Variants in DZIP3 observed in about 807,000 individuals in gnomAD.
The protein encoded by DZIP3 is DAZ interacting zinc finger protein 3.
A neutral mutation model predicts 162.0 loss-of-function variants in DZIP3; 118 were observed. That is an observed-to-expected ratio of 0.73 (90% CI 0.63 to 0.85). The LOEUF is 0.85. DZIP3 is among the 40% of genes least tolerant of loss of function. The pLI is 0.00. For synonymous variants in DZIP3, 438 were observed against 458.6 expected, an observed-to-expected ratio of 0.96 and a Z score of 0.57; for missense variants, 1,331 against 1,407.0, an observed-to-expected ratio of 0.95 and a Z score of 0.86.
chr3:108,677,914 C>T (rs977089283), intron 26 of DZIP3, among the ~76,000 whole-genome samples: 1 of 152,028 alleles, frequency 6.6e-6, no homozygotes, highest in Non-Finnish European at 1.5e-5. Context: ...CCAGTGTCCT[C>T]ATGTTACCAC....
intron 8 of DZIP3, among the ~76,000 whole-genome samples, chr3:108,631,093 T>TCTCTCTCC (rs1235604547): frequency 2.1e-5 from 3 of 144,720 alleles, no homozygotes; most frequent in Non-Finnish European, 4.5e-5. Flanking sequence ...TCTCTCTCTC[T>TCTCTCTCC]CCTATCCTAC....
At chr3:108,605,624 G>A (rs1350536683) in intron 2 of DZIP3, among the ~76,000 whole-genome samples, 186 bp downstream of exon 2, 1 of 152,172 alleles carries the variant, frequency 6.6e-6, no homozygotes, top group East Asian at 1.9e-4. Flanking sequence ...TCACAATAGA[G>A]TTTGCACTCC....
chr3:108,626,910 T>TA (rs1941615053), intron 7 of DZIP3, among the ~76,000 whole-genome samples: 1 of 152,236 alleles, frequency 6.6e-6, no homozygotes, highest in South Asian at 2.1e-4. Context: ...GGCAAACTCT[T>TA]ATGAAGGATT....
chr3:108,682,940 G>C lies in DZIP3; in HGVS notation c.2884-1276G>C, dbSNP rs558003130. On this transcript the variant is annotated intron_variant, in intron 26 of 32. Transcript: ENST00000361582. ...GTTAGGTAATAGTGGTTCTCAAACA[G>C]AGCAGGACTGTTGACTCAGTACCCA... Among the ~76,000 whole-genome samples the C allele has an allele frequency of 7.1e-4, 107 of 150,920 alleles. 2 individuals carry two copies. Among genetic ancestry groups the C allele is most frequent in the Non-Finnish European group, 1.2e-3 (82 of 68,002 alleles).
chr3:108,685,637 C>T (rs1944470532), intron 27 of DZIP3, among the ~76,000 whole-genome samples: 1 of 152,138 alleles, frequency 6.6e-6, no homozygotes, highest in South Asian at 2.1e-4. Context: ...ACAACTTCTG[C>T]ACCACTTTTG....
chr3:108,688,543 A>G (rs779808569), intron 29 of DZIP3, 50 bp from the exon 30 acceptor site: 1 of 1,572,752 alleles, frequency 6.4e-7, no homozygotes, highest in East Asian at 2.2e-5. Flanking sequence ...TTCAGCTCTT[A>G]CTGTTTTAGG....
At chr3:108,675,285 C>T (rs1002095879) in intron 24 of DZIP3, among the ~76,000 whole-genome samples, 2 of 152,000 alleles carry the variant, frequency 1.3e-5, no homozygotes, top group East Asian at 1.9e-4. Flanking sequence ...CAACCTCATT[C>T]GTACTCAAAT....
At chr3:108,625,532 C>G (rs1455514739) in intron 6 of DZIP3, among the ~76,000 whole-genome samples, 3 of 152,190 alleles carry the variant, frequency 2.0e-5, no homozygotes, top group Admixed American at 2.0e-4. Flanking sequence ...GGAGCTGACA[C>G]TATCAGTGTG....
chr3:108,692,605 AC>A (rs1429197505), intron 32 of DZIP3, among the ~76,000 whole-genome samples: 1 of 152,148 alleles, frequency 6.6e-6, no homozygotes, highest in Non-Finnish European at 1.5e-5. Context: ...CTTTAGATAA[AC>A]AGTAAAAGTT....
At chr3:108,683,273 G>T (rs555917566) in intron 26 of DZIP3, among the ~76,000 whole-genome samples, 1 of 150,342 alleles carries the variant, frequency 6.7e-6, no homozygotes, top group Non-Finnish European at 1.5e-5. Flanking sequence ...TAGAATTTTT[G>T]TTTCCCAGTT....
At chr3:108,636,892 T>C (rs923312208) in intron 11 of DZIP3, among the ~76,000 whole-genome samples, 184 bp downstream of exon 11, 1 of 151,832 alleles carries the variant, frequency 6.6e-6, no homozygotes, top group African/African-American at 2.4e-5. Flanking sequence ...AAGTGGTCCT[T>C]AAGAACAGTA....
intron 16 of DZIP3, 137 bp downstream of exon 16, chr3:108,648,249 G>T (rs975758421): frequency 9.4e-6 from 7 of 743,624 alleles, no homozygotes; most frequent in Non-Finnish European, 1.4e-5. Context: ...GAATTGGAAT[G>T]GTCCTTTCCT....
chr3:108,625,410 A>G (rs1465394583), intron 6 of DZIP3, among the ~76,000 whole-genome samples: 1 of 152,216 alleles, frequency 6.6e-6, no homozygotes, highest in Non-Finnish European at 1.5e-5. Flanking sequence ...GGCTAGTAGT[A>G]CTTGCCAGTT....
intron 4 of DZIP3, among the ~76,000 whole-genome samples, chr3:108,613,702 C>T (rs1940847523): frequency 6.6e-6 from 1 of 152,148 alleles, no homozygotes; most frequent in Admixed American, 6.5e-5. Flanking sequence ...CTTTTAAGTG[C>T]ACACAGAACA....
intron 1 of DZIP3, among the ~76,000 whole-genome samples, chr3:108,603,397 CA>C (rs928822828): frequency 6.6e-6 from 1 of 152,126 alleles, no homozygotes; most frequent in African/African-American, 2.4e-5. Context: ...GTGTGAATGA[CA>C]AGGTTTATTC....
At chr3:108,619,176 T>C (rs920068320) in intron 5 of DZIP3, among the ~76,000 whole-genome samples, 1 of 151,028 alleles carries the variant, frequency 6.6e-6, no homozygotes, top group Non-Finnish European at 1.5e-5. Context: ...AAAAGGGTAA[T>C]GTGACAAAAG....
chr3:108,657,079 A>C (rs900061493), intron 19 of DZIP3, among the ~76,000 whole-genome samples: 4 of 152,210 alleles, frequency 2.6e-5, no homozygotes, highest in African/African-American at 9.7e-5. Context: ...TATCCAGGAG[A>C]ACTTCCCCAA....
At chr3:108,647,700 A>G (rs930861696) in intron 15 of DZIP3, among the ~76,000 whole-genome samples, 1 of 152,202 alleles carries the variant, frequency 6.6e-6, no homozygotes, top group Non-Finnish European at 1.5e-5. Context: ...TCTAGAGTCT[A>G]CCTAAGATTC....
At chr3:108,628,129 G>A (rs1383693869) in intron 7 of DZIP3, among the ~76,000 whole-genome samples, 2 of 152,014 alleles carry the variant, frequency 1.3e-5, no homozygotes, top group African/African-American at 2.4e-5. Flanking sequence ...CGCCCACCTC[G>A]GCCTCCCAGA....
Sources: allele counts gnomAD v4.1 joint callset (sites outside exome capture counted in the v4.1 genomes callset), GRCh38; gene constraint gnomAD v4.1.1; transcripts MANE v1.5; gene names NCBI Gene and HGNC (gene_info 2026-07-23, HGNC 2026-07-21).